The following PTCHD4 variants were observed in gnomAD, a reference collection of about 807,000 sequenced individuals.
PTCHD4 encodes the protein patched domain-containing protein 4.
In PTCHD4, 33 loss-of-function variants were observed where a neutral mutation model predicts 58.1. That is an observed-to-expected ratio of 0.57 (90% CI 0.43 to 0.76). PTCHD4 has a LOEUF of 0.76. PTCHD4 is among the 30% of genes least tolerant of loss of function. The pLI is 0.00. For missense variants in PTCHD4, 1,058 were observed against 1,027.1 expected (o/e 1.03, Z -0.41); for synonymous variants, 478 against 409.6 (o/e 1.17, Z -2.02).
chr6:47,949,249 A>G (rs892817509), intron 4 of PTCHD4, among the ~76,000 whole-genome samples: 3 of 152,070 alleles, frequency 2.0e-5, no homozygotes, highest in African/African-American at 7.2e-5. Flanking sequence ...CATCCATGGG[A>G]AGGTTTGAGG....
intron 4 of PTCHD4, among the ~76,000 whole-genome samples, chr6:47,965,783 T>G (rs538499845): frequency 5.5e-4 from 84 of 151,916 alleles, no homozygotes; most frequent in African/African-American, 1.9e-3. Context: ...AAAAAATTGG[T>G]GGGCGCCAGT....
At chr6:47,941,524 C>T (rs1387222166) in intron 4 of PTCHD4, among the ~76,000 whole-genome samples, 1 of 152,088 alleles carries the variant, frequency 6.6e-6, no homozygotes, top group Non-Finnish European at 1.5e-5. Flanking sequence ...CAGAAGTTAC[C>T]CACATGAATC....
intron 1 of PTCHD4, among the ~76,000 whole-genome samples, chr6:48,097,061 C>T (rs1765485758): frequency 6.6e-6 from 1 of 151,948 alleles, no homozygotes; most frequent in Non-Finnish European, 1.5e-5. Flanking sequence ...TTCTTTGTTA[C>T]TTAATTTAAA....
At chr6:48,083,298 CAT>C (rs1446777594) in intron 1 of PTCHD4, among the ~76,000 whole-genome samples, 2 of 151,828 alleles carry the variant, frequency 1.3e-5, no homozygotes, top group African/African-American at 4.8e-5. Context: ...AACAAATTCT[CAT>C]ATATTTTACT....
intron 1 of PTCHD4, among the ~76,000 whole-genome samples, chr6:48,098,965 C>T (rs1326929964): frequency 6.6e-6 from 1 of 151,992 alleles, no homozygotes; most frequent in African/African-American, 2.4e-5. Context: ...GACTTAAGTA[C>T]CTAGACACAG....
chr6:48,042,526 A>C (rs1274065122), intron 3 of PTCHD4, among the ~76,000 whole-genome samples: 5 of 151,938 alleles, frequency 3.3e-5, no homozygotes, highest in Non-Finnish European at 5.9e-5. Flanking sequence ...CCCTGCTCCC[A>C]ATAAAATAAG....
chr6:48,027,122 A>G (rs1763276541), intron 3 of PTCHD4, among the ~76,000 whole-genome samples: 1 of 152,086 alleles, frequency 6.6e-6, no homozygotes, highest in African/African-American at 2.4e-5. Context: ...TGTATATATG[A>G]TATGTATATG....
intron 4 of PTCHD4, among the ~76,000 whole-genome samples, chr6:47,972,148 T>G (rs998605981): frequency 1.3e-5 from 2 of 151,926 alleles, no homozygotes; most frequent in South Asian, 2.1e-4. Flanking sequence ...ATGGCAGAAG[T>G]GGTAAAAGTG....
At chr6:48,016,430 G>T (rs1246738386) in intron 3 of PTCHD4, among the ~76,000 whole-genome samples, 2 of 152,004 alleles carry the variant, frequency 1.3e-5, no homozygotes, top group African/African-American at 4.8e-5. Flanking sequence ...GGAAGTAAAG[G>T]TGATTCTAAA....
chr6:48,023,250 C>A (rs1239499374), intron 3 of PTCHD4, among the ~76,000 whole-genome samples: 1 of 152,174 alleles, frequency 6.6e-6, no homozygotes, highest in East Asian at 1.9e-4. Context: ...TATCATATAT[C>A]CCCATTTTTG....
At chr6:47,917,947 C>CT (rs940306030) in intron 4 of PTCHD4, among the ~76,000 whole-genome samples, 2 of 152,102 alleles carry the variant, frequency 1.3e-5, no homozygotes, top group African/African-American at 4.8e-5. Flanking sequence ...ACTTCAGTTG[C>CT]TGAAGCAGTA....
rs370753645 is a variant in PTCHD4 at position 47,878,877 on chromosome 6, G to C, written c.1958C>G (p.Ser653Cys). 71 of 1,613,568 alleles carry C rather than the reference G, an allele frequency of 4.4e-5. No homozygotes were observed. The highest frequency in any genetic ancestry group is 6.0e-5 in the Non-Finnish European group (71 of 1,179,778). The change falls in exon 5 of 5, where the codon TCT becomes TGT. Residue 653 changes from serine to cysteine, a missense_variant. Transcript: ENST00000339488. ...SFVFMDHYSL[S>C]VTVPVLIAGF... ...TGCAATCAGAACAGGCACTGTGACA[G>C]ACAAGCTGTAATGGTCCATGAAGAC... is the stretch of plus-strand genomic sequence containing the variant.
intron 4 of PTCHD4, among the ~76,000 whole-genome samples, chr6:47,882,449 T>A (rs966626156): frequency 6.6e-6 from 1 of 152,022 alleles, no homozygotes; most frequent in Non-Finnish European, 1.5e-5. Context: ...CCCACTCATA[T>A]GTTTAGATAT....
At chr6:47,903,742 T>C (rs1042867442) in intron 4 of PTCHD4, among the ~76,000 whole-genome samples, 1 of 152,180 alleles carries the variant, frequency 6.6e-6, no homozygotes, top group Admixed American at 6.5e-5. Flanking sequence ...GGACTTACAT[T>C]CTAGTGAAAA....
In PTCHD4 at chr6:47,966,906, G is replaced by A. The variant is rs113202819; in HGVS notation, c.898+41728C>T. On this transcript the variant is annotated intron_variant, in intron 4 of 4. Transcript: ENST00000339488. ...ATCTAGAGTTGCTTCCTCCACTGAT[G>A]TCTTGAGCCCTTCAAAATCATCCAT... Among the ~76,000 whole-genome samples, 659 of 152,198 alleles carry A rather than the reference G, an allele frequency of 4.3e-3. 5 individuals are homozygous for A. The highest frequency in any genetic ancestry group is 0.015 in the African/African-American group (617 of 41,530).
At chr6:48,003,916 T>C (rs1244850316) in intron 4 of PTCHD4, among the ~76,000 whole-genome samples, 3 of 152,218 alleles carry the variant, frequency 2.0e-5, no homozygotes, top group Admixed American at 6.5e-5. Flanking sequence ...AGGTGCTTCG[T>C]TTAGCTCTCT....
At chr6:47,942,387 G>T (rs1217867411) in intron 4 of PTCHD4, among the ~76,000 whole-genome samples, 1 of 152,160 alleles carries the variant, frequency 6.6e-6, no homozygotes, top group Non-Finnish European at 1.5e-5. Context: ...TGTAAGGGTT[G>T]TCCTTCATAA....
At chr6:47,944,113 A>G (rs1023014451) in intron 4 of PTCHD4, among the ~76,000 whole-genome samples, 3 of 152,058 alleles carry the variant, frequency 2.0e-5, no homozygotes, top group African/African-American at 7.2e-5. Context: ...CTATTCCAAT[A>G]TCTCACTGTT....
intron 3 of PTCHD4, among the ~76,000 whole-genome samples, chr6:48,028,051 C>A (rs532210422): frequency 1.3e-5 from 2 of 152,038 alleles, no homozygotes; most frequent in Non-Finnish European, 2.9e-5. Context: ...AAGTGATTCT[C>A]GTGCCTCAGC....
Sources: allele counts gnomAD v4.1 joint callset (sites outside exome capture counted in the v4.1 genomes callset), GRCh38; gene constraint gnomAD v4.1.1; transcripts MANE v1.5; gene names NCBI Gene and HGNC (gene_info 2026-07-23, HGNC 2026-07-21).